The following MSRA variants were observed in gnomAD, a reference collection of about 807,000 sequenced individuals.
MSRA encodes methionine sulfoxide reductase A, also known as mitochondrial peptide methionine sulfoxide reductase.
In MSRA, 54 loss-of-function variants were observed where a neutral mutation model predicts 31.3. That is an observed-to-expected ratio of 1.73 (90% CI 1.39 to 2.17). The LOEUF (loss-of-function observed/expected upper bound fraction) is 2.17. Among genes scored for constraint, MSRA ranks in the 30% most tolerant of loss-of-function variants. The pLI is 0.00. For synonymous variants in MSRA, 169 were observed against 116.5 expected (o/e 1.45, Z -2.90); for missense variants, 507 against 300.9 (o/e 1.69, Z -5.07).
intron 1 of MSRA, among the ~76,000 whole-genome samples, chr8:10,161,149 C>T (rs1237602600): frequency 6.6e-6 from 1 of 152,220 alleles, no homozygotes; most frequent in Non-Finnish European, 1.5e-5. Flanking sequence ...ATGAAAACAT[C>T]AGCTCTGTGG....
intron 1 of MSRA, among the ~76,000 whole-genome samples, chr8:10,138,232 T>C (rs937154855): frequency 6.6e-6 from 1 of 152,152 alleles, no homozygotes; most frequent in Non-Finnish European, 1.5e-5. Context: ...GGATATCTCT[T>C]TGAGAGGTAA....
chr8:10,072,926 A>C (rs1797815901), intron 1 of MSRA, among the ~76,000 whole-genome samples: 1 of 152,218 alleles, frequency 6.6e-6, no homozygotes, highest in Admixed American at 6.5e-5. Flanking sequence ...TTAAAAATGC[A>C]GTTGATTTTG....
intron 1 of MSRA, among the ~76,000 whole-genome samples, chr8:10,139,500 G>A (rs1344603914): frequency 6.6e-6 from 1 of 152,116 alleles, no homozygotes; most frequent in African/African-American, 2.4e-5. Context: ...TATCCATTAA[G>A]CAATTTCTCA....
At chr8:10,227,217 A>C (rs906980987) in intron 2 of MSRA, among the ~76,000 whole-genome samples, 1 of 152,154 alleles carries the variant, frequency 6.6e-6, no homozygotes, top group Admixed American at 6.5e-5. Context: ...GAGTTACCAG[A>C]GTTGTCTTCA....
At chr8:10,056,711 C>T (rs1377584883) in intron 1 of MSRA, among the ~76,000 whole-genome samples, 7 of 152,152 alleles carry the variant, frequency 4.6e-5, no homozygotes, top group Admixed American at 2.0e-4. Context: ...GTTACCTCTT[C>T]AGTGGGTTTC....
chr8:10,400,542 G>T (rs1051333352), intron 5 of MSRA, among the ~76,000 whole-genome samples: 5 of 152,168 alleles, frequency 3.3e-5, no homozygotes, highest in African/African-American at 1.2e-4. Context: ...ATGCTGACTT[G>T]GGATGGTGCA....
intron 1 of MSRA, among the ~76,000 whole-genome samples, chr8:10,073,872 C>G (rs906586518): frequency 1.3e-5 from 2 of 151,890 alleles, no homozygotes; most frequent in Non-Finnish European, 2.9e-5. Context: ...TCTTCTTGAC[C>G]TCAACCTTCT....
At position 10,077,045 on chromosome 8, in the gene MSRA, TAAA is replaced by T. The variant is rs543152237; in HGVS notation, c.142+22401_142+22403del. Among the ~76,000 whole-genome samples, 592 of 139,094 alleles carry T rather than the reference TAAA, an allele frequency of 4.3e-3. 5 individuals carry two copies. Among genetic ancestry groups the T allele is most frequent in the African/African-American group, 0.015 (564 of 37,340 alleles). The allele number at this position is 139,094 out of a possible 152,430, so 91.3% of individuals were successfully genotyped here. A position where few individuals can be genotyped will look rare whatever the true frequency, so the allele number is the denominator to read the frequency against. On this transcript the variant is annotated intron_variant, in intron 1 of 5. Transcript: ENST00000317173. ...CATCCTGCACATGTACCTCAGAACT[TAAA>T]AAAAAAAAAAAAAGAGCAGAGGACA...
chr8:10,303,817 T>C (rs1800979477), intron 4 of MSRA, among the ~76,000 whole-genome samples: 1 of 152,260 alleles, frequency 6.6e-6, no homozygotes, highest in Non-Finnish European at 1.5e-5. Context: ...TTAAGCTAGT[T>C]TTTTAGTTTC....
At chr8:10,091,138 C>T (rs1446388942) in intron 1 of MSRA, among the ~76,000 whole-genome samples, 1 of 152,188 alleles carries the variant, frequency 6.6e-6, no homozygotes, top group African/African-American at 2.4e-5. Flanking sequence ...CCCACTTGGT[C>T]ATGGCTTATA....
intron 5 of MSRA, among the ~76,000 whole-genome samples, chr8:10,327,693 G>A (rs559985977): frequency 6.6e-6 from 1 of 152,234 alleles, no homozygotes; most frequent in South Asian, 2.1e-4. Context: ...CAGCACTTTG[G>A]GAAGCCAAGG....
chr8:10,353,915 C>A, intron 5 of MSRA: 1 of 218,562 alleles, frequency 4.6e-6, no homozygotes. Context: ...TTTAAGGATA[C>A]AAAGGACCTT....
chr8:10,263,618 G>A (rs780604214), intron 3 of MSRA, among the ~76,000 whole-genome samples: 8 of 152,056 alleles, frequency 5.3e-5, no homozygotes, highest in Non-Finnish European at 4.4e-5. Context: ...CACTGCCACC[G>A]ATGTGAAACT....
chr8:10,148,982 A>T (rs1466009933), intron 1 of MSRA, among the ~76,000 whole-genome samples: 1 of 146,444 alleles, frequency 6.8e-6, no homozygotes, highest in Non-Finnish European at 1.5e-5. Flanking sequence ...TTTGAGACAT[A>T]GTGTCACTCT....
At chr8:10,328,956 G>T (rs976944916) in intron 5 of MSRA, among the ~76,000 whole-genome samples, 1 of 152,144 alleles carries the variant, frequency 6.6e-6, no homozygotes, top group African/African-American at 2.4e-5. Flanking sequence ...GCCTGGTTGA[G>T]GCTATGCTGT....
intron 2 of MSRA, among the ~76,000 whole-genome samples, chr8:10,236,373 C>G (rs1370158598): frequency 6.6e-6 from 1 of 152,106 alleles, no homozygotes; most frequent in Non-Finnish European, 1.5e-5. Flanking sequence ...TGGAGTCAAA[C>G]CATTAGAACT....
intron 5 of MSRA, among the ~76,000 whole-genome samples, chr8:10,405,947 C>A (rs1455154227): frequency 3.3e-5 from 5 of 152,278 alleles, no homozygotes; most frequent in African/African-American, 9.6e-5. Context: ...CTCACACACA[C>A]ACATGTGATG....
At chr8:10,300,556 A>G (rs1470610186) in intron 3 of MSRA, among the ~76,000 whole-genome samples, 3 of 151,908 alleles carry the variant, frequency 2.0e-5, no homozygotes, top group Non-Finnish European at 4.4e-5. Context: ...ACACCCAGCT[A>G]ATTTTTTTGT....
Position 10,374,826 on chromosome 8 carries a change from C to T in MSRA, c.544-53322C>T, listed in dbSNP as rs1329600907. Reference sequence around the variant, plus strand: ...GTTGGAGATGGAGCCTAGTAGGAGACATTGGCTCGTGGAGGCAGATGCTTC... The same window carrying T: ...GTTGGAGATGGAGCCTAGTAGGAGATATTGGCTCGTGGAGGCAGATGCTTC... On this transcript the variant is annotated intron_variant, in intron 5 of 5. Coordinates refer to ENST00000317173, the MANE Select transcript of MSRA (RefSeq NM_012331.5). Among the ~76,000 whole-genome samples the T allele has an allele frequency of 6.6e-5, 10 of 152,204 alleles. 1 individual carries two copies. The highest frequency in any genetic ancestry group is 5.2e-4 in the Admixed American group (8 of 15,284).
Sources: allele counts gnomAD v4.1 joint callset (sites outside exome capture counted in the v4.1 genomes callset), GRCh38; gene constraint gnomAD v4.1.1; transcripts MANE v1.5; gene names NCBI Gene and HGNC (gene_info 2026-07-23, HGNC 2026-07-21).